Variants in IGFN1 observed in about 807,000 individuals in gnomAD.
IGFN1 encodes immunoglobulin-like and fibronectin type III domain-containing protein 1.
IGFN1 carries 253 observed loss-of-function variants against 289.5 expected under a neutral mutation model. The observed-to-expected ratio is 0.87, with a 90% CI of 0.79 to 0.97. The LOEUF (loss-of-function observed/expected upper bound fraction) is 0.97, where lower values mean the gene tolerates loss of function less well. Among genes scored for constraint, IGFN1 ranks in the 50% least tolerant of loss-of-function variants. The probability of loss-of-function intolerance (pLI) is 0.00; values close to 1 mark genes in which losing one functional copy is unlikely to be tolerated. For missense variants in IGFN1, 4,470 were observed against 4,686.1 expected (o/e 0.95, Z 1.35); for synonymous variants, 1,706 against 1,788.5 (o/e 0.95, Z 1.16).
intron 3 of IGFN1, among the ~76,000 whole-genome samples, chr1:201,195,332 A>G (rs1384630656): frequency 6.6e-6 from 1 of 151,882 alleles, no homozygotes; most frequent in Admixed American, 6.6e-5. Flanking sequence ...TTGTATTTTT[A>G]ATAGAGATGG....
At chr1:201,203,996 T>C in intron 10 of IGFN1, 90 bp downstream of exon 10, 1 of 1,196,206 alleles carries the variant, frequency 8.4e-7, no homozygotes, top group Non-Finnish European at 1.2e-6. Context: ...GGGGGGTAAA[T>C]GTGATGTGGC....
chr1:201,191,498 A>G (rs558591218), intron 1 of IGFN1, among the ~76,000 whole-genome samples: 36 of 152,244 alleles, frequency 2.4e-4, no homozygotes, highest in African/African-American at 8.2e-4. Flanking sequence ...GAGGACACAA[A>G]CTGCTGTTTC....
chr1:201,205,906 G>A (rs1308393080), intron 11 of IGFN1, among the ~76,000 whole-genome samples, 177 bp from the exon 12 acceptor site: 1 of 152,200 alleles, frequency 6.6e-6, no homozygotes, highest in Non-Finnish European at 1.5e-5. Context: ...ATCCATCCCT[G>A]GAACACCCTG....
rs569342906 is a variant in IGFN1, at chr1:201,209,712, G to T, written c.4819G>T (p.Gly1607Trp). 2.0e-6 allele frequency: 3 copies of T among 1,522,602 alleles called. No individual in the cohort carries two copies. In the East Asian group the frequency reaches 7.4e-5, roughly 38 times the overall value. 94.3% of individuals were successfully genotyped at this position (1,522,602 alleles called of 1,614,324 possible). The change falls in exon 12 of 24, where the codon GGG (glycine) becomes TGG (tryptophan). Residue 1607 changes from glycine to tryptophan, a missense_variant. Coordinates refer to ENST00000335211, the MANE Select transcript of IGFN1 (RefSeq NM_001164586.2). ...VNEAGYRKDL[G>W]VPEGIGSGSK... ...TGAAGCAGGTTATAGGAAGGACTTG[G>T]GGGTTCCTGAGGGAATAGGTTCAGG... is the stretch of plus-strand genomic sequence containing the variant.
Position 201,226,062 on chromosome 1 carries a change from T to C in IGFN1, c.10725T>C (p.Asn3575=). The change falls in exon 22 of 24, where the codon AAT becomes AAC. Residue 3575 remains asparagine, a synonymous_variant. Transcript: ENST00000335211. The part of the protein sequence containing the change: ...HEYHFRVVAK[N]ELGASKPSDT... ...ACCACTTCAGGGTGGTGGCCAAGAA[T>C]GAGCTGGGGGCCAGCAAACCCTCGG... 6.2e-7 allele frequency: 1 copy of C among 1,601,712 alleles called. No individual in the cohort carries two copies. Among genetic ancestry groups the C allele is most frequent in the South Asian group, 1.1e-5 (1 of 89,848 alleles).
In IGFN1 at chr1:201,212,452, G is replaced by A. The variant is rs1667864802; in HGVS notation, c.7559G>A (p.Gly2520Glu). The change falls in exon 12 of 24, where the codon GGG becomes GAG. Residue 2520 changes from glycine to glutamate, a missense_variant. Physicochemically the swap from Gly to Glu is moderately conservative, Grantham distance 98 (BLOSUM62 -2). Around this residue, in one of 8 missense-constraint regions of IGFN1, gnomAD observed 2,218 missense variants for 2,114.1 expected, o/e 1.05. Coordinates refer to ENST00000335211, the MANE Select transcript of IGFN1 (RefSeq NM_001164586.2). ...RVKDRSPDQA[G>E]IMGASGFLDG... Reference sequence around the variant, plus strand: ...AAGGATAGGTCTCCAGACCAAGCAGGGATAATGGGGGCTTCTGGGTTTCTT... The same window carrying A: ...AAGGATAGGTCTCCAGACCAAGCAGAGATAATGGGGGCTTCTGGGTTTCTT... 6.5e-7 allele frequency: 1 copy of A among 1,537,830 alleles called. No individual in the cohort carries two copies. The highest frequency in any genetic ancestry group is 8.7e-7 in the Non-Finnish European group (1 of 1,146,828).
At position 201,209,268 on chromosome 1, in the gene IGFN1, G is replaced by T. The variant is rs1225370363; in HGVS notation, c.4375G>T (p.Gly1459Cys). 5 of 1,488,216 alleles carry T rather than the reference G, an allele frequency of 3.4e-6. No homozygotes were observed. In the African/African-American group the frequency reaches 4.2e-5, roughly 13 times the overall value. 92.2% of individuals were successfully genotyped at this position (1,488,216 alleles called of 1,614,324 possible). A position where few individuals can be genotyped will look rare whatever the true frequency, so the allele number is the denominator to read the frequency against. Residue 1459 changes from glycine to cysteine, a missense_variant, in exon 12 of 24, where the codon GGT becomes TGT. Gly to Cys is a radical substitution (Grantham distance 159). This residue lies in a region of IGFN1 where 2,011 missense variants were observed against 1,953.4 expected (regional missense o/e 1.03). Coordinates refer to ENST00000335211, the MANE Select transcript of IGFN1 (RefSeq NM_001164586.2). ...AGAAATGAGGTCAATGGATGAGGCA[G>T]GTTATAGGAAAAATTTGGGAGCTCC... ...SGEMRSMDEA[G>C]YRKNLGAPER... is the part of the protein sequence containing the mutation.
chr1:201,211,204 C>G lies in IGFN1; in HGVS notation c.6311C>G (p.Ala2104Gly). ...GAAGAAATGGAGTCAATGGATGAGG[C>G]AGGTTATAGGAAGGATTTGGGGGCT... ...GSEEMESMDE[A>G]GYRKDLGAPE... The change falls in exon 12 of 24, where the codon GCA (alanine) becomes GGA (glycine). Residue 2104 changes from alanine (A) to glycine (G), a missense_variant. Physicochemically the swap from Ala to Gly is moderately conservative, Grantham distance 60 (BLOSUM62 0). Transcript: ENST00000335211. 6.5e-7 allele frequency: 1 copy of G among 1,529,784 alleles called. No homozygotes were observed. Among genetic ancestry groups the G allele is most frequent in the Non-Finnish European group, 8.7e-7 (1 of 1,144,486 alleles). The allele number at this position is 1,529,784 out of a possible 1,614,324, so 94.8% of individuals were successfully genotyped here.
chr1:201,225,040 G>T (rs1180785009), intron 21 of IGFN1, among the ~76,000 whole-genome samples, 166 bp downstream of exon 21: 1 of 152,194 alleles, frequency 6.6e-6, no homozygotes, highest in Non-Finnish European at 1.5e-5. Context: ...AAGTAGAAAG[G>T]ACCCCAGAAG....
Position 201,206,948 on chromosome 1 carries a change from C to T in IGFN1, c.2055C>T (p.Gly685=). 6.5e-7 allele frequency: 1 copy of T among 1,536,254 alleles called. No individual in the cohort carries two copies. Among genetic ancestry groups the T allele is most frequent in the Non-Finnish European group, 8.7e-7 (1 of 1,146,472 alleles). The change falls in exon 12 of 24, where the codon GGC becomes GGT. Residue 685 remains glycine, a synonymous_variant. Transcript: ENST00000335211. ...AGCTTACTGGAGGAAGAGGTTCTGG[C>T]TCCAAGGTGGGCATGGCCCCTGAAT... ...TLELTGGRGS[G]SKVGMAPESW... is the part of the protein sequence containing the mutation.
chr1:201,204,335 G>A (rs1667301486), intron 10 of IGFN1, among the ~76,000 whole-genome samples: 1 of 152,172 alleles, frequency 6.6e-6, no homozygotes, highest in Non-Finnish European at 1.5e-5. Flanking sequence ...TCTGCTTCCT[G>A]TATTCCTTCC....
intron 10 of IGFN1, 38 bp downstream of exon 10, chr1:201,203,944 A>T (rs916922039): frequency 2.0e-6 from 3 of 1,521,810 alleles, no homozygotes. Context: ...AGTTGGGGAG[A>T]TATGTTAGAA....
chr1:201,217,252 G>A, intron 16 of IGFN1, 35 bp from the exon 17 acceptor site: 1 of 1,603,154 alleles, frequency 6.2e-7, no homozygotes. Context: ...ACCTTTCCCA[G>A]GCCTCTGGCT....
chr1:201,197,398 G>A (rs1666966389), intron 5 of IGFN1, 81 bp downstream of exon 5: 2 of 806,714 alleles, frequency 2.5e-6, no homozygotes, highest in East Asian at 5.6e-5. Context: ...GGCTAGTGAG[G>A]GAGGGGAGGG....
In IGFN1 at chr1:201,201,739, C is replaced by G. The variant is rs1279371712; in HGVS notation, c.654C>G (p.Ser218Arg). 6.5e-7 allele frequency: 1 copy of G among 1,545,344 alleles called. No individual in the cohort carries two copies. Among genetic ancestry groups the G allele is most frequent in the South Asian group, 1.2e-5 (1 of 83,938 alleles). The change falls in exon 9 of 24, where the codon AGC (serine) becomes AGG (arginine). Residue 218 changes from serine (S) to arginine (R), a missense_variant. Coordinates refer to ENST00000335211, the MANE Select transcript of IGFN1 (RefSeq NM_001164586.2). ...TGTAGTACATCAACACCATCTCCAG[C>G]TTAAGACACATCAGGGTCACCAAGG... ...KMAQYINTIS[S>R]LRHIRVTKDG...
At position 201,208,507 on chromosome 1, in the gene IGFN1, CTT is replaced by C; in HGVS notation, c.3615_3616del (p.Tyr1206TrpfsTer9). On this transcript the variant is annotated frameshift_variant, in exon 12 of 24. Transcript: ENST00000335211. LOFTEE classifies it high-confidence loss of function. ...GGGGCCGCTTCTGGGAGCCAGTGGG[CTT>C]ATGGGGCTGGCAATGTGCTGGGTTA... 2.8e-6 allele frequency: 4 copies of C among 1,450,978 alleles called. No individual in the cohort carries two copies. The highest frequency in any genetic ancestry group is 3.6e-6 in the Non-Finnish European group (4 of 1,109,878). The allele number at this position is 1,450,978 out of a possible 1,614,324, so 89.9% of individuals were successfully genotyped here.
rs1427001672 is a variant in IGFN1, at chr1:201,215,570, G to C, written c.9027G>C (p.Glu3009Asp). 6.2e-7 allele frequency: 1 copy of C among 1,601,874 alleles called. No homozygotes were observed. The highest frequency in any genetic ancestry group is 8.5e-7 in the Non-Finnish European group (1 of 1,173,866). Residue 3009 changes from glutamate to aspartate, a missense_variant, in exon 15 of 24, where the codon GAG (glutamate) becomes GAC (aspartate). Glu to Asp is a conservative substitution (Grantham distance 45). Around this residue, in one of 8 missense-constraint regions of IGFN1, gnomAD observed 2,218 missense variants for 2,114.1 expected, o/e 1.05. Transcript: ENST00000335211. ...DSPTIAPDVTEKLREPLVVKA... is the reference protein window; with the variant it reads ...DSPTIAPDVTDKLREPLVVKA... ...CTACCATTGCTCCAGATGTGACAGAGAAACTGAGAGAGCCACTGGTGGTCA... is the reference window on the plus strand; with the variant it reads ...CTACCATTGCTCCAGATGTGACAGACAAACTGAGAGAGCCACTGGTGGTCA...
At chr1:201,194,646 A>T (rs370479500) in intron 3 of IGFN1, among the ~76,000 whole-genome samples, 52 of 151,748 alleles carry the variant, frequency 3.4e-4, no homozygotes, top group African/African-American at 8.7e-4. Flanking sequence ...AGTTAATTTG[A>T]CTCTTCCCAA....
rs887406842 is a variant in IGFN1, at chr1:201,207,532, G to A, written c.2639G>A (p.Gly880Asp). 4 of 1,536,696 alleles carry A rather than the reference G, an allele frequency of 2.6e-6. No homozygotes were observed. Among genetic ancestry groups the A allele is most frequent in the South Asian group, 1.2e-5 (1 of 84,036 alleles). Reference sequence around the variant, plus strand: ...TGGGTGGCTGGACTGACGGAGTCTGGTCAGGGGGTGGATGCCAGAAGCCAC... The same window carrying A: ...TGGGTGGCTGGACTGACGGAGTCTGATCAGGGGGTGGATGCCAGAAGCCAC... ...GIWVAGLTES[G>D]QGVDARSHWL... Residue 880 changes from glycine (G) to aspartate (D), a missense_variant, in exon 12 of 24, where the codon GGT becomes GAT. Coordinates refer to ENST00000335211, the MANE Select transcript of IGFN1 (RefSeq NM_001164586.2).
Sources: gnomAD v4.1 joint callset for allele counts (sites outside exome capture counted in the v4.1 genomes callset) on GRCh38, gnomAD v4.1.1 for gene constraint, gnomAD v4.1.1 regional missense constraint, MANE v1.5 for transcripts, NCBI Gene and HGNC (gene_info 2026-07-23, HGNC 2026-07-21) for gene names.